Variants in P2RX2 observed in about 807,000 individuals in gnomAD.
P2RX2 encodes the protein P2X purinoceptor 2.
In P2RX2, 50 loss-of-function variants were observed where a neutral mutation model predicts 54.8. That is an observed-to-expected ratio of 0.91 (90% confidence interval 0.73 to 1.15). P2RX2 has a LOEUF of 1.15. Ranked by LOEUF, P2RX2 falls within the 50% of genes most tolerant of loss-of-function variation. The probability of loss-of-function intolerance (pLI) is 0.00; values close to 1 mark genes in which losing one functional copy is unlikely to be tolerated. For synonymous variants in P2RX2, 289 were observed against 259.4 expected (o/e 1.11, Z -1.09); for missense variants, 658 against 633.2 (o/e 1.04, Z -0.42).
In P2RX2 at chr12:132,620,085, G is replaced by A. The variant is rs770656231; in HGVS notation, c.543G>A (p.Gly181=). The change falls in exon 5 of 11, where the codon GGG becomes GGA. Residue 181 remains glycine, a synonymous_variant. Transcript: ENST00000643471. ...EVFGWCPVED[G]ASVSQFLGTM... Reference sequence around the variant, plus strand: ...TCGGCTGGTGCCCGGTGGAAGATGGGGCCTCTGTCAGGTGCACCTGCGCCC... The same window carrying A: ...TCGGCTGGTGCCCGGTGGAAGATGGAGCCTCTGTCAGGTGCACCTGCGCCC... The A allele has an allele frequency of 2.5e-6, 4 of 1,580,788 alleles. No individual in the cohort carries two copies. The highest frequency in any genetic ancestry group is 1.3e-5 in the African/African-American group (1 of 74,424).
Position 132,621,633 on chromosome 12 carries a change from C to A in P2RX2, c.1077C>A (p.Cys359Ter), listed in dbSNP as rs746554350. ...LTSVGVGSFL[C>*]DWILLTFMNK... ...GCTGGCCCCAGGGCTCCTTCCTGTG[C>A]GACTGGATCTTGCTAACATTCATGA... Residue 359 changes from cysteine (C) to a stop codon, truncating the protein, a stop_gained, in exon 11 of 11, where the codon TGC becomes TGA. Transcript: ENST00000643471. LOFTEE classifies it high-confidence loss of function. The A allele has an allele frequency of 1.4e-5, 22 of 1,613,236 alleles. No individual in the cohort carries two copies. The highest frequency in any genetic ancestry group is 1.8e-5 in the Non-Finnish European group (21 of 1,179,588).
chr12:132,621,288 C>G lies in P2RX2; in HGVS notation c.939C>G (p.Thr313=). The change falls in exon 9 of 11, where the codon ACC becomes ACG. Residue 313 remains threonine, a synonymous_variant. Transcript: ENST00000643471. The part of the protein sequence containing the change: ...FAKYYKINGT[T]TRTLIKAYGI... ...AATACTACAAGATCAATGGCACCACCACCCGCACGCTCATCAAGGCCTACG... is the reference window on the plus strand; with the variant it reads ...AATACTACAAGATCAATGGCACCACGACCCGCACGCTCATCAAGGCCTACG... The G allele has an allele frequency of 1.9e-6, 3 of 1,614,050 alleles. No homozygotes were observed. The highest frequency in any genetic ancestry group is 1.7e-4 in the Middle Eastern group (1 of 6,060).
rs371239598 is a variant in P2RX2 at position 132,622,005 on chromosome 12, G to A, written c.*33G>A. On this transcript the variant is annotated 3_prime_UTR_variant, in exon 11 of 11. Transcript: ENST00000643471. ...TCCATCTCACTGGACTGCAGACCCG[G>A]CCTGGTGGGGCCAGAGAGTCCCCAG... 56 of 1,611,940 alleles carry A rather than the reference G, an allele frequency of 3.5e-5. No individual in the cohort carries two copies. Among genetic ancestry groups the A allele is most frequent in the African/African-American group, 1.7e-4 (13 of 74,936 alleles).
At chr12:132,620,711 T>C (rs1051435344) in intron 7 of P2RX2, 128 bp downstream of exon 7, 2 of 1,137,174 alleles carry the variant, frequency 1.8e-6, no homozygotes, top group Non-Finnish European at 1.2e-6. Flanking sequence ...GGAAAAGAAA[T>C]GCGATCAGCG....
At position 132,621,150 on chromosome 12, in the gene P2RX2, CG is replaced by C; in HGVS notation, c.905+20del. On this transcript the variant is annotated intron_variant, in intron 8 of 10. Coordinates refer to ENST00000643471, the MANE Select transcript of P2RX2 (RefSeq NM_170682.4). Reference sequence around the variant, plus strand: ...ACTTCAGGTGCTGTACTTGGGACACCGCTGTCCACACTGGCATAGCTGTGGT... The same window carrying C: ...ACTTCAGGTGCTGTACTTGGGACACCCTGTCCACACTGGCATAGCTGTGGT... The C allele has an allele frequency of 6.2e-7, 1 of 1,614,050 alleles. No individual in the cohort carries two copies.
At chr12:132,620,228 G>A (rs745644710) in intron 5 of P2RX2, 39 bp from the exon 6 acceptor site, 23 of 1,581,826 alleles carry the variant, frequency 1.5e-5, no homozygotes, top group Non-Finnish European at 1.9e-5. Flanking sequence ...GGGGCTTTGC[G>A]GGAAGAGGGG....
Position 132,621,516 on chromosome 12 carries a change from C to T in P2RX2, c.1038C>T (p.Ala346=), listed in dbSNP as rs765786338. 2 of 1,566,926 alleles carry T rather than the reference C, an allele frequency of 1.3e-6. No homozygotes were observed. The highest frequency in any genetic ancestry group is 1.2e-5 in the South Asian group (1 of 83,266). ...FSLIPTIINL[A]TALTSVGVGS... ...TGATTCCCACCATTATTAATCTGGC[C>T]ACAGCTCTGACTTCCGTCGGGGTGG... The change falls in exon 10 of 11, where the codon GCC becomes GCT. Residue 346 remains alanine (A), a synonymous_variant. Coordinates refer to ENST00000643471, the MANE Select transcript of P2RX2 (RefSeq NM_170682.4).
At chr12:132,621,591 C>G in intron 10 of P2RX2, 28 bp from the exon 11 acceptor site, 1 of 1,611,260 alleles carries the variant, frequency 6.2e-7, no homozygotes, top group Non-Finnish European at 8.5e-7. Context: ...CCACCAGGCC[C>G]TTACACACCG....
Position 132,620,091 on chromosome 12 carries a change from T to C in P2RX2, c.549T>C (p.Ser183=), listed in dbSNP as rs1317172261. Reference sequence around the variant, plus strand: ...GGTGCCCGGTGGAAGATGGGGCCTCTGTCAGGTGCACCTGCGCCCCGGCCT... The same window carrying C: ...GGTGCCCGGTGGAAGATGGGGCCTCCGTCAGGTGCACCTGCGCCCCGGCCT... ...FGWCPVEDGA[S]VSQFLGTMAP... The change falls in exon 5 of 11, where the codon TCT becomes TCC. Residue 183 remains serine (S), a synonymous_variant. Coordinates refer to ENST00000643471, the MANE Select transcript of P2RX2 (RefSeq NM_170682.4). 3 of 1,577,324 alleles carry C rather than the reference T, an allele frequency of 1.9e-6. No individual in the cohort carries two copies. The highest frequency in any genetic ancestry group is 2.6e-6 in the Non-Finnish European group (3 of 1,162,442).
Position 132,620,036 on chromosome 12 carries a change from G to C in P2RX2, c.494G>C (p.Gly165Ala). Residue 165 changes from glycine to alanine, a missense_variant, in exon 5 of 11, where the codon GGG becomes GCG. Physicochemically the swap from Gly to Ala is moderately conservative, Grantham distance 60. Transcript: ENST00000643471. ...RTGRCVPYYQ[G>A]PSKTCEVFGW... ...GGGCGCTGTGTGCCCTATTACCAGGGGCCCTCCAAGACCTGCGAGGTGTTC... is the reference window on the plus strand; with the variant it reads ...GGGCGCTGTGTGCCCTATTACCAGGCGCCCTCCAAGACCTGCGAGGTGTTC... 1 of 1,590,684 alleles carries C rather than the reference G, an allele frequency of 6.3e-7. No homozygotes were observed. The highest frequency in any genetic ancestry group is 8.5e-7 in the Non-Finnish European group (1 of 1,170,150).
rs757432630 is a variant in P2RX2 at position 132,621,857 on chromosome 12, C to T, written c.1301C>T (p.Pro434Leu). ...QQGAECGPAF[P>L]PLRPCPISAP... ...GGGGCAGAGTGTGGCCCAGCCTTCC[C>T]GCCCCTGCGGCCTTGCCCCATCTCT... The change falls in exon 11 of 11, where the codon CCG becomes CTG. Residue 434 changes from proline (P) to leucine (L), a missense_variant. Pro to Leu is a moderately conservative substitution (Grantham distance 98, BLOSUM62 -3). Transcript: ENST00000643471. The T allele has an allele frequency of 7.4e-6, 12 of 1,613,018 alleles. No individual in the cohort carries two copies. The highest frequency in any genetic ancestry group is 5.5e-5 in the South Asian group (5 of 90,994).
chr12:132,619,003 GGGGT>G lies in P2RX2; in HGVS notation c.173+16_173+19del, dbSNP rs765405767. On this transcript the variant is annotated intron_variant, in intron 1 of 10. Coordinates refer to ENST00000643471, the MANE Select transcript of P2RX2 (RefSeq NM_170682.4). ...CTACTTCGTGTGGTGCGCGGGGCGC[GGGGT>G]GCGGGGCGCGGGGTGCGGGGCGCAG... is the stretch of plus-strand genomic sequence containing the variant. The G allele has an allele frequency of 5.0e-6, 1 of 200,836 alleles. No homozygotes were observed. The highest frequency in any genetic ancestry group is 7.7e-4 in the East Asian group (1 of 1,296). The allele number at this position is 200,836 out of a possible 1,614,324, so 12.4% of individuals were successfully genotyped here. A position where few individuals can be genotyped will look rare whatever the true frequency, so the allele number is the denominator to read the frequency against.
chr12:132,622,173 T>A lies in P2RX2; in HGVS notation c.*201T>A. The A allele has an allele frequency of 7.0e-7, 1 of 1,432,708 alleles. No homozygotes were observed. Among genetic ancestry groups the A allele is most frequent in the Middle Eastern group, 2.6e-4 (1 of 3,862 alleles). The allele number at this position is 1,432,708 out of a possible 1,614,324, so 88.7% of individuals were successfully genotyped here. A position where few individuals can be genotyped will look rare whatever the true frequency, so the allele number is the denominator to read the frequency against. On this transcript the variant is annotated 3_prime_UTR_variant, in exon 11 of 11. Coordinates refer to ENST00000643471, the MANE Select transcript of P2RX2 (RefSeq NM_170682.4). Reference sequence around the variant, plus strand: ...ACCCTGGCATACAGCCCCTGACACCTCCTCCCCAGCTGGTCCCTACAGGGC... The same window carrying A: ...ACCCTGGCATACAGCCCCTGACACCACCTCCCCAGCTGGTCCCTACAGGGC...
intron 8 of P2RX2, 59 bp from the exon 9 acceptor site, chr12:132,621,196 T>C: frequency 6.2e-7 from 1 of 1,613,916 alleles, no homozygotes; most frequent in East Asian, 2.2e-5. Flanking sequence ...AGAGGCCCAA[T>C]GCCTGTGGGG....
intron 7 of P2RX2, among the ~76,000 whole-genome samples, 170 bp downstream of exon 7, chr12:132,620,753 T>C (rs1428188613): frequency 2.0e-5 from 3 of 152,182 alleles, no homozygotes; most frequent in Non-Finnish European, 4.4e-5. Flanking sequence ...TGCTGAATTA[T>C]TGACACTGGC....
In P2RX2 at chr12:132,620,599, G is replaced by C; in HGVS notation, c.774+16G>C. ...CGCACACAAGGCAGGGCAAGCGCAG[G>C]CAGGGTGGGGCCAGGGTGGGCTCCC... On this transcript the variant is annotated intron_variant, in intron 7 of 10. Coordinates refer to ENST00000643471, the MANE Select transcript of P2RX2 (RefSeq NM_170682.4). 1 of 1,610,076 alleles carries C rather than the reference G, an allele frequency of 6.2e-7. No individual in the cohort carries two copies. Among genetic ancestry groups the C allele is most frequent in the South Asian group, 1.1e-5 (1 of 91,042 alleles).
intron 1 of P2RX2, 59 bp from the exon 2 acceptor site, chr12:132,619,380 C>A: frequency 6.3e-7 from 1 of 1,596,128 alleles, no homozygotes; most frequent in Non-Finnish European, 8.5e-7. Flanking sequence ...GCCGTGCCTG[C>A]GGGCGGGACT....
In P2RX2 at chr12:132,618,897, C is replaced by G. The variant is rs1327987786; in HGVS notation, c.81C>G (p.Asp27Glu). ...GGGGCTGCTGGTCCGCCCTCTGGGA[C>G]TACGAGACGCCCAAGGTGATCGTGG... The part of the protein sequence containing the change: ...LARGCWSALW[D>E]YETPKVIVVR... The change falls in exon 1 of 11, where the codon GAC (aspartate) becomes GAG (glutamate). Residue 27 changes from aspartate (D) to glutamate (E), a missense_variant. Coordinates refer to ENST00000643471, the MANE Select transcript of P2RX2 (RefSeq NM_170682.4). 7.3e-7 allele frequency: 1 copy of G among 1,365,768 alleles called. No individual in the cohort carries two copies. Among genetic ancestry groups the G allele is most frequent in the African/African-American group, 1.5e-5 (1 of 66,180 alleles). 84.6% of individuals were successfully genotyped at this position (1,365,768 alleles called of 1,614,324 possible).
chr12:132,620,450 A>T lies in P2RX2; in HGVS notation c.641A>T (p.Asn214Ile). 1 of 1,614,098 alleles carries T rather than the reference A, an allele frequency of 6.2e-7. No individual in the cohort carries two copies. The change falls in exon 7 of 11, where the codon AAC (asparagine) becomes ATC (isoleucine). Residue 214 changes from asparagine to isoleucine, a missense_variant. Coordinates refer to ENST00000643471, the MANE Select transcript of P2RX2 (RefSeq NM_170682.4). The part of the protein sequence containing the change: ...HYPKFHFSKG[N>I]IADRTDGYLK... ...GCCTCCTGCCGCCTCCTCAGGGGCA[A>T]CATCGCCGACCGCACAGACGGGTAC...
Sources: gnomAD v4.1 joint callset for allele counts (sites outside exome capture counted in the v4.1 genomes callset) on GRCh38, gnomAD v4.1.1 for gene constraint, MANE v1.5 for transcripts, NCBI Gene and HGNC (gene_info 2026-07-23, HGNC 2026-07-21) for gene names.